The following TPR variants were observed in gnomAD, a reference collection of about 807,000 sequenced individuals.
The protein encoded by TPR is translocated promoter region, nuclear basket protein.
Under a neutral mutation model 316.1 loss-of-function variants are expected in TPR, and 51 were observed. The observed-to-expected ratio is 0.16, with a 90% CI of 0.13 to 0.20. TPR has a LOEUF of 0.20. Among genes scored for constraint, TPR ranks in the 10% least tolerant of loss-of-function variants. TPR has a pLI of 1.00. For synonymous variants in TPR, 981 were observed against 914.7 expected, an observed-to-expected ratio of 1.07 and a Z score of -1.31; for missense variants, 2,272 against 2,754.8, an observed-to-expected ratio of 0.82 and a Z score of 3.92.
At chr1:186,334,978 A>G in intron 35 of TPR, 90 bp downstream of exon 35, 1 of 1,321,958 alleles carries the variant, frequency 7.6e-7, no homozygotes, top group Non-Finnish European at 1.1e-6. Flanking sequence ...AATAGAATAC[A>G]CAGATTTCTT....
At position 186,326,154 on chromosome 1, in the gene TPR, C is replaced by T. The variant is rs1657925017; in HGVS notation, c.5971G>A (p.Gly1991Arg). 2 of 1,612,378 alleles carry T rather than the reference C, an allele frequency of 1.2e-6. No homozygotes were observed. Among genetic ancestry groups the T allele is most frequent in the Non-Finnish European group, 1.7e-6 (2 of 1,178,514 alleles). The change falls in exon 41 of 51, where the codon GGA (glycine) becomes AGA (arginine). Residue 1991 changes from glycine (G) to arginine (R), a missense_variant. Gly to Arg is a moderately radical substitution (Grantham distance 125, BLOSUM62 -2). Transcript: ENST00000367478. ...MGDEGEDSNE[G>R]TGSADGNDGY... is the part of the protein sequence containing the mutation. ...TCATTGCCATCGGCACTACCAGTTC[C>T]TTCATTACTATCTTCACCCTCATCT...
intron 35 of TPR, 103 bp from the exon 36 acceptor site, chr1:186,334,636 T>C: frequency 8.4e-7 from 1 of 1,194,270 alleles, no homozygotes; most frequent in Non-Finnish European, 1.2e-6. Context: ...TCACTAAATA[T>C]TTCAGAGCCT....
At position 186,336,581 on chromosome 1, in the gene TPR, C is replaced by T. The variant is rs1466693705; in HGVS notation, c.4620G>A (p.Glu1540=). Residue 1540 remains glutamate (E), a synonymous_variant, in exon 33 of 51, where the codon GAG becomes GAA. Transcript: ENST00000367478. The part of the protein sequence containing the change: ...QDLQDRTTQE[E]QLRQQITEKE... Reference sequence around the variant, plus strand: ...TTTCAGTTATCTGTTGTCGGAGCTGCTCCTCCTGTGTGGTTCTATCTTGAA... The same window carrying T: ...TTTCAGTTATCTGTTGTCGGAGCTGTTCCTCCTGTGTGGTTCTATCTTGAA... The T allele has an allele frequency of 6.2e-7, 1 of 1,613,916 alleles. No homozygotes were observed. Among genetic ancestry groups the T allele is most frequent in the Non-Finnish European group, 8.5e-7 (1 of 1,179,904 alleles).
At chr1:186,346,376 A>C (rs1312121708) in intron 22 of TPR, 89 bp from the exon 23 acceptor site, 8 of 1,300,168 alleles carry the variant, frequency 6.2e-6, no homozygotes, top group Non-Finnish European at 8.2e-6. Flanking sequence ...TAATTTGAGA[A>C]GTAATAAAAT....
At chr1:186,368,664 T>C (rs1659415104) in intron 3 of TPR, among the ~76,000 whole-genome samples, 1 of 152,228 alleles carries the variant, frequency 6.6e-6, no homozygotes, top group Non-Finnish European at 1.5e-5. Flanking sequence ...AATCTACATG[T>C]TTTTGAGTTA....
chr1:186,366,480 G>A (rs912638029), intron 4 of TPR, among the ~76,000 whole-genome samples: 4 of 152,162 alleles, frequency 2.6e-5, no homozygotes, highest in Non-Finnish European at 5.9e-5. Flanking sequence ...CAGTAGTTAA[G>A]TTTTTGGGGA....
chr1:186,351,845 G>A (rs941448804), intron 19 of TPR, 131 bp downstream of exon 19: 18 of 1,041,454 alleles, frequency 1.7e-5, no homozygotes, highest in Non-Finnish European at 2.3e-5. Context: ...TTAATAAACT[G>A]CAAAATTCAA....
At chr1:186,337,402 C>T (rs969898550) in intron 31 of TPR, among the ~76,000 whole-genome samples, 3 of 152,038 alleles carry the variant, frequency 2.0e-5, no homozygotes, top group Non-Finnish European at 4.4e-5. Context: ...CAACACTTAA[C>T]TGTATTTTCA....
intron 29 of TPR, among the ~76,000 whole-genome samples, 194 bp from the exon 30 acceptor site, chr1:186,339,966 AG>A (rs1319682012): frequency 6.6e-6 from 1 of 152,164 alleles, no homozygotes; most frequent in East Asian, 1.9e-4. Flanking sequence ...ACAATACAAG[AG>A]GAAAAAAAAA....
Position 186,362,997 on chromosome 1 carries a change from C to T in TPR, c.536G>A (p.Arg179Gln), listed in dbSNP as rs188337582. Residue 179 changes from arginine to glutamine, a missense_variant, in exon 6 of 51, where the codon CGA becomes CAA. Arg to Gln is a conservative substitution (Grantham distance 43). Transcript: ENST00000367478. ...CTTTTCTTGCTCCAAGCGTTTTTCT[C>T]GATACTAAAGAAATCCAAGAAAATA... is the stretch of plus-strand genomic sequence containing the variant. Reference protein sequence around the residue: ...LQASDVSVKYREKRLEQEKEL... With the variant: ...LQASDVSVKYQEKRLEQEKEL... The T allele has an allele frequency of 3.8e-6, 6 of 1,597,644 alleles. No individual in the cohort carries two copies. The highest frequency in any genetic ancestry group is 1.8e-5 in the Admixed American group (1 of 56,640).
At chr1:186,359,654 G>T in intron 12 of TPR, 145 bp downstream of exon 12, 1 of 737,362 alleles carries the variant, frequency 1.4e-6, no homozygotes, top group Non-Finnish European at 2.1e-6. Context: ...TTTGAGATCA[G>T]CAGTGTTTAA....
chr1:186,327,540 G>C lies in TPR; in HGVS notation c.5809C>G (p.Gln1937Glu). 1 of 1,611,520 alleles carries C rather than the reference G, an allele frequency of 6.2e-7. No homozygotes were observed. The highest frequency in any genetic ancestry group is 8.5e-7 in the Non-Finnish European group (1 of 1,179,480). Reference protein sequence around the residue: ...QQTTTSSQDGQGKGDDVIVID... With the variant: ...QQTTTSSQDGEGKGDDVIVID... ...ACAATGACATCATCTCCTTTGCCTT[G>C]ACCATCCTGGGATGAAGTTGTCGTC... The change falls in exon 40 of 51, where the codon CAA (glutamine) becomes GAA (glutamate). Residue 1937 changes from glutamine (Q) to glutamate (E), a missense_variant. This residue lies in a region of TPR where 435 missense variants were observed against 461.1 expected (regional missense o/e 0.94). Transcript: ENST00000367478.
chr1:186,374,765 C>T (rs543800357), intron 1 of TPR, 113 bp downstream of exon 1: 2 of 1,147,946 alleles, frequency 1.7e-6, no homozygotes, highest in East Asian at 2.4e-5. Flanking sequence ...TCCACAGAGC[C>T]CAGGAAGTGA....
intron 24 of TPR, among the ~76,000 whole-genome samples, chr1:186,345,020 ACTG>A (rs1335152620): frequency 6.6e-6 from 1 of 152,178 alleles, no homozygotes; most frequent in African/African-American, 2.4e-5. Context: ...GCTCAAATGT[ACTG>A]CTATCCCATC....
At chr1:186,322,710 A>G (rs1394111890) in intron 43 of TPR, 124 bp from the exon 44 acceptor site, 5 of 937,020 alleles carry the variant, frequency 5.3e-6, no homozygotes, top group Non-Finnish European at 8.2e-6. Context: ...GGTAATTAGG[A>G]CATTTTCCCA....
chr1:186,334,275 A>T, intron 36 of TPR, 50 bp downstream of exon 36: 4 of 1,497,866 alleles, frequency 2.7e-6, no homozygotes, highest in Non-Finnish European at 3.6e-6. Flanking sequence ...TCATCTTCTC[A>T]TAATAAATCT....
intron 31 of TPR, 87 bp from the exon 32 acceptor site, chr1:186,337,243 C>T: frequency 4.8e-6 from 7 of 1,445,168 alleles, no homozygotes; most frequent in African/African-American, 1.4e-5. Context: ...ATAATCACAG[C>T]TTTGCAAAGA....
At chr1:186,357,685 A>G in intron 13 of TPR, 62 bp from the exon 14 acceptor site, 5 of 1,437,932 alleles carry the variant, frequency 3.5e-6, no homozygotes, top group Non-Finnish European at 4.7e-6. Flanking sequence ...ACAAGTTTAG[A>G]ATGAAAGTTT....
At chr1:186,353,610 A>G (rs1658938192) in intron 18 of TPR, 78 bp downstream of exon 18, 1 of 1,497,582 alleles carries the variant, frequency 6.7e-7, no homozygotes, top group East Asian at 2.3e-5. Context: ...CCTATCAGTG[A>G]GTAAAATTCA....
Sources: allele counts gnomAD v4.1 joint callset (sites outside exome capture counted in the v4.1 genomes callset), GRCh38; gene constraint gnomAD v4.1.1; regional missense constraint gnomAD v4.1.1; transcripts MANE v1.5; gene names NCBI Gene and HGNC (gene_info 2026-07-23, HGNC 2026-07-21).